ERC1: variants seen among roughly 807,000 people sequenced by gnomAD.
ERC1 encodes the protein ELKS/RAB6-interacting/CAST family member 1.
In ERC1, 56 loss-of-function variants were observed where a neutral mutation model predicts 132.0. That is an observed-to-expected ratio of 0.42 (90% CI 0.34 to 0.53). The LOEUF (loss-of-function observed/expected upper bound fraction) is 0.53. Among genes scored for constraint, ERC1 ranks in the 20% least tolerant of loss-of-function variants. The pLI, the probability that ERC1 is intolerant of heterozygous loss-of-function variation, is 0.03. For missense variants in ERC1, 1,202 were observed against 1,349.9 expected (o/e 0.89, Z 1.72); for synonymous variants, 478 against 476.1 (o/e 1.00, Z -0.05).
chr12:1,007,493 TTTCTCTCTCTCTCA>T (rs1292525806), intron 1 of ERC1, among the ~76,000 whole-genome samples: 4 of 137,736 alleles, frequency 2.9e-5, no homozygotes, highest in South Asian at 4.7e-4. Context: ...TCTCTCTCTC[TTTCTCTCTCTCTCA>T]CTGGGTAATT....
At chr12:1,419,523 GAAA>G (rs910799691) in intron 17 of ERC1, among the ~76,000 whole-genome samples, 1 of 134,030 alleles carries the variant, frequency 7.5e-6, no homozygotes, top group African/African-American at 2.8e-5. Flanking sequence ...TTCTTGAGAA[GAAA>G]AAAAAAAGCT....
intron 11 of ERC1, among the ~76,000 whole-genome samples, chr12:1,188,657 G>A (rs1315424073): frequency 6.6e-6 from 1 of 152,096 alleles, no homozygotes; most frequent in African/African-American, 2.4e-5. Flanking sequence ...AAATGAACTT[G>A]GGAAAGGACT....
chr12:1,119,269 T>TGG (rs1946798739), intron 7 of ERC1, among the ~76,000 whole-genome samples: 1 of 151,748 alleles, frequency 6.6e-6, no homozygotes, highest in Non-Finnish European at 1.5e-5. Flanking sequence ...TTTTTTTTGT[T>TGG]TTTTTTTTCC....
intron 15 of ERC1, among the ~76,000 whole-genome samples, chr12:1,364,691 G>T (rs1012739298): frequency 1.3e-5 from 2 of 152,180 alleles, no homozygotes; most frequent in Admixed American, 1.3e-4. Flanking sequence ...TCTCTCTGCT[G>T]TACTACCTCA....
At chr12:1,255,537 G>A (rs1035866515) in intron 13 of ERC1, among the ~76,000 whole-genome samples, 1 of 149,976 alleles carries the variant, frequency 6.7e-6, no homozygotes, top group African/African-American at 2.4e-5. Context: ...CTTCCACAAT[G>A]GTTGAACTAA....
chr12:1,385,672 A>C (rs1012518447), intron 16 of ERC1, among the ~76,000 whole-genome samples: 1 of 152,216 alleles, frequency 6.6e-6, no homozygotes, highest in African/African-American at 2.4e-5. Flanking sequence ...GCTAATTGCT[A>C]TCTAGAGCTC....
At chr12:1,347,092 A>G (rs12314078) in intron 15 of ERC1, among the ~76,000 whole-genome samples, 3,615 of 152,282 alleles carry the variant, frequency 0.024, 163 homozygotes, top group African/African-American at 0.081. Flanking sequence ...ACGATTATTT[A>G]TCTTTGTCGA....
rs2093111721 is a variant in ERC1, at chr12:1,440,600, T to TGTGTGTGTGTG, written c.3025-3962_3025-3961insGTGTGTGTGTG. Among the ~76,000 whole-genome samples, 4 of 51,160 alleles carry TGTGTGTGTGTG rather than the reference T, an allele frequency of 7.8e-5. 1 individual carries two copies. The highest frequency in any genetic ancestry group is 2.6e-4 in the African/African-American group (3 of 11,572). 33.6% of individuals were successfully genotyped at this position (51,160 alleles called of 152,430 possible). A position where few individuals can be genotyped will look rare whatever the true frequency, so the allele number is the denominator to read the frequency against. On this transcript the variant is annotated intron_variant, in intron 17 of 18. Transcript: ENST00000360905. ...TAAGCAATCCCCCTGCCTCAGCCTT[T>TGTGTGTGTGTG]TGTGTGTGTGTGTGTGTGTGTGTGT...
chr12:1,386,364 G>A (rs2089347539), intron 16 of ERC1, among the ~76,000 whole-genome samples: 1 of 151,492 alleles, frequency 6.6e-6, no homozygotes, highest in Admixed American at 6.6e-5. Flanking sequence ...TGAAATGCAT[G>A]CAGCCAGGCA....
chr12:1,159,230 A>G (rs1951672119), intron 8 of ERC1, among the ~76,000 whole-genome samples: 1 of 152,166 alleles, frequency 6.6e-6, no homozygotes, highest in Admixed American at 6.5e-5. Context: ...TTTGTGGAAT[A>G]CAATTTTTCC....
At chr12:1,377,596 A>G (rs1772023448) in intron 16 of ERC1, among the ~76,000 whole-genome samples, 1 of 152,230 alleles carries the variant, frequency 6.6e-6, no homozygotes, top group Admixed American at 6.5e-5. Context: ...GCGAAAAGAA[A>G]ATGTATATAG....
chr12:1,006,420 C>T (rs1206765456), intron 1 of ERC1, among the ~76,000 whole-genome samples: 8 of 152,046 alleles, frequency 5.3e-5, no homozygotes, highest in African/African-American at 1.7e-4. Flanking sequence ...GTTTTTGAGA[C>T]AGAGTGTTAC....
intron 12 of ERC1, among the ~76,000 whole-genome samples, chr12:1,217,672 T>C (rs1020085639): frequency 6.6e-6 from 1 of 152,202 alleles, no homozygotes; most frequent in African/African-American, 2.4e-5. Context: ...TCCACTCCAA[T>C]TATTGCATCT....
rs143843122 is a variant in ERC1 at position 1,304,332 on chromosome 12, T to C, written c.2780+14320T>C. 4.8e-3 allele frequency among the ~76,000 whole-genome samples: 728 copies of C among 152,316 alleles called. 2 individuals are homozygous for C. The highest frequency in any genetic ancestry group is 0.015 in the African/African-American group (609 of 41,562). On this transcript the variant is annotated intron_variant, in intron 15 of 18. Coordinates refer to ENST00000360905, the MANE Select transcript of ERC1 (RefSeq NM_178040.4). Reference sequence around the variant, plus strand: ...TTCCTAGGTCTCTTCCTTAGATATATGAAAATGTTTCTCAGAAGTCCTGAT... The same window carrying C: ...TTCCTAGGTCTCTTCCTTAGATATACGAAAATGTTTCTCAGAAGTCCTGAT...
At chr12:1,126,125 T>C (rs1042440937) in intron 7 of ERC1, among the ~76,000 whole-genome samples, 5 of 152,244 alleles carry the variant, frequency 3.3e-5, no homozygotes, top group Admixed American at 2.6e-4. Flanking sequence ...TAGCAAATTT[T>C]ATGTCTGTAT....
At chr12:1,348,550 G>A (rs2084697681) in intron 15 of ERC1, among the ~76,000 whole-genome samples, 1 of 152,042 alleles carries the variant, frequency 6.6e-6, no homozygotes, top group Non-Finnish European at 1.5e-5. Context: ...AAAATTAGCT[G>A]GGCGTGGTGG....
At chr12:1,432,392 G>C (rs1191822890) in intron 17 of ERC1, among the ~76,000 whole-genome samples, 1 of 152,220 alleles carries the variant, frequency 6.6e-6, no homozygotes, top group Non-Finnish European at 1.5e-5. Context: ...TCTGGTTCTT[G>C]TTGTGCTTCT....
At chr12:1,322,683 A>G (rs1376771447) in intron 15 of ERC1, among the ~76,000 whole-genome samples, 2 of 152,080 alleles carry the variant, frequency 1.3e-5, no homozygotes, top group African/African-American at 4.8e-5. Flanking sequence ...CACCTGATAA[A>G]ATTTTCCAAT....
intron 15 of ERC1, among the ~76,000 whole-genome samples, chr12:1,363,617 C>A (rs1041694360): frequency 6.8e-6 from 1 of 147,210 alleles, no homozygotes; most frequent in African/African-American, 2.5e-5. Flanking sequence ...CAATGTGGTG[C>A]CATCACGGCT....
Sources: gnomAD v4.1 joint callset for allele counts (sites outside exome capture counted in the v4.1 genomes callset) on GRCh38, gnomAD v4.1.1 for gene constraint, MANE v1.5 for transcripts, NCBI Gene and HGNC (gene_info 2026-07-23, HGNC 2026-07-21) for gene names.